Variants in UBE2W observed in about 807,000 individuals in gnomAD.
UBE2W encodes the protein ubiquitin-conjugating enzyme E2 W.
UBE2W carries 18 observed loss-of-function variants against 27.2 expected under a neutral mutation model. That is an observed-to-expected ratio of 0.66 (90% CI 0.46 to 0.98). The LOEUF (loss-of-function observed/expected upper bound fraction) is 0.98, where lower values mean the gene tolerates loss of function less well. Among genes scored for constraint, UBE2W ranks in the 50% least tolerant of loss-of-function variants. The probability of loss-of-function intolerance (pLI) is 0.00; values close to 1 mark genes in which losing one functional copy is unlikely to be tolerated. For synonymous variants in UBE2W, 53 were observed against 57.2 expected (o/e 0.93, Z 0.33); for missense variants, 90 against 180.2 (o/e 0.50, Z 2.87).
Position 73,821,556 on chromosome 8 carries a change from T to TTG in UBE2W, c.210+3590_210+3591insCA, listed in dbSNP as rs1554581575. On this transcript the variant is annotated intron_variant, in intron 3 of 5. Coordinates refer to ENST00000602593, the MANE Select transcript of UBE2W (RefSeq NM_018299.6). ...GGAGTGGGGTGTGGGAGTGTGTGTG[T>TTG]GGGGGGGGGGGGATGTGTGTGCATG... Among the ~76,000 whole-genome samples the TTG allele has an allele frequency of 2.8e-3, 22 of 7,726 alleles. 3 individuals are homozygous for TTG. In the East Asian group the frequency reaches 0.065, roughly 23 times the overall value. The allele number at this position is 7,726 out of a possible 152,430, so 5.1% of individuals were successfully genotyped here.
At chr8:73,808,017 G>T (rs1420820797) in intron 4 of UBE2W, among the ~76,000 whole-genome samples, 3 of 152,094 alleles carry the variant, frequency 2.0e-5, no homozygotes, top group African/African-American at 7.2e-5. Context: ...ACAATCTAAT[G>T]ACATACTGGA....
At chr8:73,863,354 C>T (rs1292349415) in intron 1 of UBE2W, among the ~76,000 whole-genome samples, 2 of 145,020 alleles carry the variant, frequency 1.4e-5, no homozygotes, top group Admixed American at 6.9e-5. Context: ...CGCATATTCT[C>T]ACTCATAGGT....
At chr8:73,843,779 CAAAAAAA>C (rs11336925) in intron 1 of UBE2W, among the ~76,000 whole-genome samples, 2 of 121,252 alleles carry the variant, frequency 1.6e-5, no homozygotes, top group Non-Finnish European at 3.5e-5. Context: ...GTAGAGACAC[CAAAAAAA>C]AAAAAAAAAA....
chr8:73,800,810 T>C (rs929518327), intron 5 of UBE2W, among the ~76,000 whole-genome samples: 1 of 152,182 alleles, frequency 6.6e-6, no homozygotes, highest in Admixed American at 6.5e-5. Context: ...ATAACTTCTA[T>C]TGGCTGGGCG....
At position 73,790,462 on chromosome 8, in the gene UBE2W, T is replaced by C. The variant is rs1278427329; in HGVS notation, c.*3640A>G. ...AATGAATCCTCAGAAAAGAAGAATA[T>C]GGTTAAGCTTCAGTTCTTTTTGAAA... On this transcript the variant is annotated 3_prime_UTR_variant, in exon 6 of 6. Coordinates refer to ENST00000602593, the MANE Select transcript of UBE2W (RefSeq NM_018299.6). 2.0e-6 allele frequency: 2 copies of C among 985,042 alleles called. No individual in the cohort carries two copies. Among genetic ancestry groups the C allele is most frequent in the Non-Finnish European group, 2.4e-6 (2 of 829,726 alleles). The allele number at this position is 985,042 out of a possible 1,614,324, so 61.0% of individuals were successfully genotyped here. A position where few individuals can be genotyped will look rare whatever the true frequency, so the allele number is the denominator to read the frequency against.
chr8:73,801,067 G>A (rs1378168191), intron 5 of UBE2W, among the ~76,000 whole-genome samples: 1 of 152,074 alleles, frequency 6.6e-6, no homozygotes, highest in Non-Finnish European at 1.5e-5. Flanking sequence ...TCCAGCCTGG[G>A]CAACAAGAAC....
rs1808079095 is a variant in UBE2W, at chr8:73,789,002, G to C, written c.*5100C>G. ...AAAATAGTCATTTAATCATTCTAGAGACTCATCACAAAATACAAGTCACAA... is the reference window on the plus strand; with the variant it reads ...AAAATAGTCATTTAATCATTCTAGACACTCATCACAAAATACAAGTCACAA... On this transcript the variant is annotated 3_prime_UTR_variant, in exon 6 of 6. Coordinates refer to ENST00000602593, the MANE Select transcript of UBE2W (RefSeq NM_018299.6). 6 of 982,142 alleles carry C rather than the reference G, an allele frequency of 6.1e-6. No individual in the cohort carries two copies. The highest frequency in any genetic ancestry group is 7.2e-6 in the Non-Finnish European group (6 of 827,704). 60.8% of individuals were successfully genotyped at this position (982,142 alleles called of 1,614,324 possible). A position where few individuals can be genotyped will look rare whatever the true frequency, so the allele number is the denominator to read the frequency against.
rs1025989327 is a variant in UBE2W, at chr8:73,876,215, T to A, written c.15+2593A>T. Among the ~76,000 whole-genome samples, 7 of 151,020 alleles carry A rather than the reference T, an allele frequency of 4.6e-5. No homozygotes were observed. The East Asian group carries it at 1.2e-3, about 25-fold the overall frequency. Reference sequence around the variant, plus strand: ...TAGATAAGTGTCTGACACATAGAGGTCCCCCAAAAGATAACTGGCTCAGTG... The same window carrying A: ...TAGATAAGTGTCTGACACATAGAGGACCCCCAAAAGATAACTGGCTCAGTG... On this transcript the variant is annotated intron_variant, in intron 1 of 5. Transcript: ENST00000602593.
chr8:73,813,383 G>A (rs1253113770), intron 3 of UBE2W, among the ~76,000 whole-genome samples: 2 of 152,228 alleles, frequency 1.3e-5, no homozygotes, highest in Non-Finnish European at 2.9e-5. Context: ...TATTCTGTAA[G>A]CAAAGAGAAC....
chr8:73,826,682 T>C (rs1246565998), intron 2 of UBE2W, among the ~76,000 whole-genome samples: 3 of 152,170 alleles, frequency 2.0e-5, no homozygotes, highest in African/African-American at 7.2e-5. Flanking sequence ...TATAGTGAAA[T>C]TAGACAGTTA....
chr8:73,787,682 T>G lies in UBE2W; in HGVS notation c.*6420A>C, dbSNP rs1808013735. 1.0e-6 allele frequency: 1 copy of G among 985,300 alleles called. No individual in the cohort carries two copies. The allele number at this position is 985,300 out of a possible 1,614,324, so 61.0% of individuals were successfully genotyped here. A position where few individuals can be genotyped will look rare whatever the true frequency, so the allele number is the denominator to read the frequency against. ...CTGAGATAGCCCCTTCTTGTGGTTA[T>G]TTCTTTCCTCTTCTTGCAGCTTCAA... is the stretch of plus-strand genomic sequence containing the variant. On this transcript the variant is annotated 3_prime_UTR_variant, in exon 6 of 6. Transcript: ENST00000602593.
chr8:73,818,231 A>T (rs565753940), intron 3 of UBE2W, among the ~76,000 whole-genome samples: 2 of 152,020 alleles, frequency 1.3e-5, no homozygotes, highest in Admixed American at 1.3e-4. Context: ...CTTCAATCAT[A>T]CTCCAAATTA....
At chr8:73,780,793 G>A (rs1206532096) in intron 4 of UBE2W, among the ~76,000 whole-genome samples, 1 of 151,680 alleles carries the variant, frequency 6.6e-6, no homozygotes, top group African/African-American at 2.4e-5. Flanking sequence ...CAAAGTGCTG[G>A]GATTACAGGT....
Position 73,787,346 on chromosome 8 carries a change from A to T in UBE2W, c.*6756T>A. On this transcript the variant is annotated 3_prime_UTR_variant, in exon 6 of 6. Transcript: ENST00000602593. ...TAAGAAATATAGGGAGGACATAAAC[A>T]GAGTCACTTATCCAGGGTAGCTTAA... 1.0e-6 allele frequency: 1 copy of T among 985,318 alleles called. No individual in the cohort carries two copies. The highest frequency in any genetic ancestry group is 1.2e-6 in the Non-Finnish European group (1 of 829,870). 61.0% of individuals were successfully genotyped at this position (985,318 alleles called of 1,614,324 possible). A position where few individuals can be genotyped will look rare whatever the true frequency, so the allele number is the denominator to read the frequency against.
At chr8:73,862,291 T>C (rs889611700) in intron 1 of UBE2W, among the ~76,000 whole-genome samples, 5 of 152,162 alleles carry the variant, frequency 3.3e-5, no homozygotes, top group African/African-American at 1.2e-4. Context: ...TAGTTTTAGG[T>C]CTAACGTTTA....
Position 73,791,956 on chromosome 8 carries a change from T to C in UBE2W, c.*2146A>G, listed in dbSNP as rs1477173898. ...CTCTATAGTATAGCATTGTTAATCT[T>C]TGACTCAGTATATTAATTCCTTTGG... is the stretch of plus-strand genomic sequence containing the variant. On this transcript the variant is annotated 3_prime_UTR_variant, in exon 6 of 6. Transcript: ENST00000602593. 1.3e-5 allele frequency: 13 copies of C among 985,160 alleles called. No homozygotes were observed. In the African/African-American group the frequency reaches 2.3e-4, roughly 17 times the overall value. 61.0% of individuals were successfully genotyped at this position (985,160 alleles called of 1,614,324 possible).
In UBE2W at chr8:73,796,669, C is replaced by A. The variant is rs569475242; in HGVS notation, c.443-2554G>T. On this transcript the variant is annotated intron_variant, in intron 5 of 5. Transcript: ENST00000602593. Reference sequence around the variant, plus strand: ...TAACAGCTAGATCAACAGGGACTTGCGGGACTACGAATCCATGATGGCTAT... The same window carrying A: ...TAACAGCTAGATCAACAGGGACTTGAGGGACTACGAATCCATGATGGCTAT... The A allele has an allele frequency of 1.3e-4, 129 of 984,822 alleles. 2 individuals are homozygous for A. In the South Asian group the frequency reaches 5.3e-3, roughly 40 times the overall value. 61.0% of individuals were successfully genotyped at this position (984,822 alleles called of 1,614,324 possible). A position where few individuals can be genotyped will look rare whatever the true frequency, so the allele number is the denominator to read the frequency against.
At chr8:73,874,410 C>A (rs1471373068) in intron 1 of UBE2W, among the ~76,000 whole-genome samples, 1 of 151,658 alleles carries the variant, frequency 6.6e-6, no homozygotes, top group Non-Finnish European at 1.5e-5. Flanking sequence ...CCAGCCTGGG[C>A]GACAGCGAGA....
downstream of UBE2W, among the ~76,000 whole-genome samples, chr8:73,783,543 C>T (rs950469123): frequency 2.6e-5 from 4 of 152,132 alleles, no homozygotes; most frequent in African/African-American, 9.7e-5. Flanking sequence ...CTATGTCTAT[C>T]TTTATTCCAG....
Sources: gnomAD v4.1 joint callset for allele counts (sites outside exome capture counted in the v4.1 genomes callset) on GRCh38, gnomAD v4.1.1 for gene constraint, MANE v1.5 for transcripts, NCBI Gene and HGNC (gene_info 2026-07-23, HGNC 2026-07-21) for gene names.